PLXNC1: variants seen among roughly 807,000 people sequenced by gnomAD.
PLXNC1 encodes plexin C1, also known as plexin-C1.
A neutral mutation model predicts 178.2 loss-of-function variants in PLXNC1; 75 were observed. The observed-to-expected ratio is 0.42, with a 90% CI of 0.35 to 0.51. The LOEUF (loss-of-function observed/expected upper bound fraction) is 0.51. Among genes scored for constraint, PLXNC1 ranks in the 20% least tolerant of loss-of-function variants. The probability of loss-of-function intolerance (pLI) is 0.02; values close to 1 mark genes in which losing one functional copy is unlikely to be tolerated. For missense variants in PLXNC1, 1,503 were observed against 1,984.4 expected, an observed-to-expected ratio of 0.76 and a Z score of 4.61; for synonymous variants, 790 against 779.9, an observed-to-expected ratio of 1.01 and a Z score of -0.22.
chr12:94,198,404 T>C (rs1962997882), intron 4 of PLXNC1, among the ~76,000 whole-genome samples: 1 of 152,106 alleles, frequency 6.6e-6, no homozygotes, highest in African/African-American at 2.4e-5. Context: ...TAATACCTAG[T>C]TGATGAGTTG....
In PLXNC1 at chr12:94,237,387, C is replaced by T. The variant is rs184851500; in HGVS notation, c.1981-277C>T. The stretch of plus-strand genomic sequence containing the variant: ...TTTTCAAAACTCTAGTGATACCTCA[C>T]TCTTCAGACAGAATATCAGACTTTT... On this transcript the variant is annotated intron_variant, in intron 9 of 30. Transcript: ENST00000258526. Among the ~76,000 whole-genome samples, 42 of 152,346 alleles carry T rather than the reference C, an allele frequency of 2.8e-4. 1 individual carries two copies. The highest frequency in any genetic ancestry group is 8.2e-4 in the African/African-American group (34 of 41,592).
intron 11 of PLXNC1, among the ~76,000 whole-genome samples, chr12:94,243,360 A>G (rs1309507289): frequency 6.6e-6 from 1 of 152,242 alleles, no homozygotes; most frequent in Non-Finnish European, 1.5e-5. Flanking sequence ...GCTTATATGC[A>G]CTGAGAAACG....
At chr12:94,289,175 C>A (rs1018458285) in intron 23 of PLXNC1, among the ~76,000 whole-genome samples, 2 of 152,194 alleles carry the variant, frequency 1.3e-5, no homozygotes, top group Non-Finnish European at 2.9e-5. Context: ...CCTTCACTTG[C>A]AAGTGGTTTG....
intron 5 of PLXNC1, among the ~76,000 whole-genome samples, chr12:94,219,546 G>A (rs1268989813): frequency 6.6e-6 from 1 of 152,148 alleles, no homozygotes; most frequent in Non-Finnish European, 1.5e-5. Context: ...AAGAAACCCT[G>A]TATTTGATTA....
At chr12:94,223,520 T>C (rs1287925647) in intron 6 of PLXNC1, among the ~76,000 whole-genome samples, 1 of 152,192 alleles carries the variant, frequency 6.6e-6, no homozygotes, top group Non-Finnish European at 1.5e-5. Context: ...GCTTTGTAAA[T>C]TTCTCAGGTG....
intron 2 of PLXNC1, among the ~76,000 whole-genome samples, chr12:94,173,667 C>A (rs1416321912): frequency 1.3e-5 from 2 of 152,172 alleles, no homozygotes; most frequent in Admixed American, 1.3e-4. Context: ...GAGCTTCTAT[C>A]CCCCAACTAA....
At chr12:94,238,666 G>T (rs1281252970) in intron 10 of PLXNC1, among the ~76,000 whole-genome samples, 1 of 152,206 alleles carries the variant, frequency 6.6e-6, no homozygotes, top group African/African-American at 2.4e-5. Context: ...ACAATCTGCT[G>T]AAGCGTGATG....
At chr12:94,241,198 A>G (rs757371765) in intron 11 of PLXNC1, among the ~76,000 whole-genome samples, 6 of 152,182 alleles carry the variant, frequency 3.9e-5, no homozygotes, top group Non-Finnish European at 7.4e-5. Flanking sequence ...TAAATTTATT[A>G]CTATTATGTA....
chr12:94,269,451 C>A (rs1473735314), intron 21 of PLXNC1, among the ~76,000 whole-genome samples: 1 of 152,190 alleles, frequency 6.6e-6, no homozygotes, highest in Non-Finnish European at 1.5e-5. Flanking sequence ...TAAAATATCT[C>A]ATATACAACA....
chr12:94,300,227 A>G (rs1968332495), intron 27 of PLXNC1, among the ~76,000 whole-genome samples: 1 of 152,230 alleles, frequency 6.6e-6, no homozygotes, highest in Non-Finnish European at 1.5e-5. Flanking sequence ...TGATGAGTGC[A>G]GTGGAGAAAG....
intron 20 of PLXNC1, chr12:94,262,812 A>G (rs1965035112): frequency 1.0e-6 from 1 of 972,530 alleles, no homozygotes; most frequent in Admixed American, 6.2e-5. Flanking sequence ...AAATAATAAT[A>G]CCATTTATTG....
chr12:94,241,209 T>G (rs1826475580), intron 11 of PLXNC1, among the ~76,000 whole-genome samples: 1 of 152,196 alleles, frequency 6.6e-6, no homozygotes, highest in African/African-American at 2.4e-5. Flanking sequence ...CTATTATGTA[T>G]TTTTTGCATT....
intron 12 of PLXNC1, among the ~76,000 whole-genome samples, chr12:94,246,592 G>A (rs1964536368): frequency 6.6e-6 from 1 of 152,230 alleles, no homozygotes; most frequent in Admixed American, 6.5e-5. Context: ...GCGCGAGTTT[G>A]TCACGAGTAT....
At position 94,259,353 on chromosome 12, in the gene PLXNC1, A is replaced by C; in HGVS notation, c.3104A>C (p.His1035Pro). The C allele has an allele frequency of 1.3e-6, 2 of 1,596,188 alleles. No individual in the cohort carries two copies. The highest frequency in any genetic ancestry group is 8.5e-7 in the Non-Finnish European group (1 of 1,174,774). ...TCCTCTCAGTCAGGTGGCTTCACCC[A>C]CATCTTCACTGAAGATATGCATGTA... ...TFFPESGGFT[H>P]IFTEDMHNRD... The change falls in exon 18 of 31, where the codon CAC becomes CCC. Residue 1035 changes from histidine (H) to proline (P), a missense_variant. By Grantham distance (77) the His-to-Pro change is moderately conservative. Transcript: ENST00000258526.
chr12:94,148,965 C>G lies in PLXNC1; in HGVS notation c.-7C>G, dbSNP rs746206935. 5.3e-6 allele frequency: 7 copies of G among 1,332,296 alleles called. No individual in the cohort carries two copies. The East Asian group carries it at 1.3e-4, about 24-fold the overall frequency. The allele number at this position is 1,332,296 out of a possible 1,614,324, so 82.5% of individuals were successfully genotyped here. ...GCGCCCTGCCCGGGGGCGGCCCCCC[C>G]AGCCCCATGGAGGTCTCCCGGAGGA... is the stretch of plus-strand genomic sequence containing the variant. On this transcript the variant is annotated 5_prime_UTR_variant, in exon 1 of 31. Transcript: ENST00000258526. The surrounding 1 kb of genome is among the most constrained non-coding windows in gnomAD (Gnocchi z 4.8).
chr12:94,185,734 GT>G (rs1342785692), intron 3 of PLXNC1, among the ~76,000 whole-genome samples: 2 of 152,196 alleles, frequency 1.3e-5, no homozygotes, highest in Non-Finnish European at 2.9e-5. Context: ...GGAGGGCCTC[GT>G]CCCTGGTCCT....
intron 23 of PLXNC1, among the ~76,000 whole-genome samples, chr12:94,290,755 C>T (rs1331848311): frequency 6.6e-6 from 1 of 152,360 alleles, no homozygotes; most frequent in Non-Finnish European, 1.5e-5. Context: ...TCTAGGTTTC[C>T]ACTCTTTCCA....
chr12:94,278,714 T>C (rs1173414668), intron 21 of PLXNC1, among the ~76,000 whole-genome samples: 1 of 152,104 alleles, frequency 6.6e-6, no homozygotes, highest in Non-Finnish European at 1.5e-5. Context: ...GTGACCTCTT[T>C]GGGCCGGGCA....
chr12:94,294,432 T>C (rs1967695968), intron 23 of PLXNC1, 54 bp from the exon 24 acceptor site: 2 of 757,160 alleles, frequency 2.6e-6, no homozygotes, highest in Non-Finnish European at 4.6e-6. Context: ...CTGGGTGAAG[T>C]TGAGAAATCC....
Sources: gnomAD v4.1 joint callset for allele counts (sites outside exome capture counted in the v4.1 genomes callset) on GRCh38, gnomAD v4.1.1 for gene constraint, Gnocchi (gnomAD v3.1) non-coding constraint, MANE v1.5 for transcripts, NCBI Gene and HGNC (gene_info 2026-07-23, HGNC 2026-07-21) for gene names.